The following C16orf95 variants were observed in gnomAD, a reference collection of about 807,000 sequenced individuals.
C16orf95 encodes the protein chromosome 16 open reading frame 95.
In C16orf95, 41 loss-of-function variants were observed where a neutral mutation model predicts 32.1. That is an observed-to-expected ratio of 1.28 (90% CI 1.00 to 1.66). The LOEUF (loss-of-function observed/expected upper bound fraction) is 1.66, where lower values mean the gene tolerates loss of function less well. C16orf95 is among the 40% of genes most tolerant of loss of function. The probability of loss-of-function intolerance (pLI) is 0.00; values close to 1 mark genes in which losing one functional copy is unlikely to be tolerated. For missense variants in C16orf95, 399 were observed against 325.9 expected (o/e 1.22, Z -1.73); for synonymous variants, 147 against 128.9 (o/e 1.14, Z -0.95).
Position 87,303,066 on chromosome 16 carries a change from A to G in C16orf95, c.711T>C (p.Phe237=), listed in dbSNP as rs554092207. The change falls in exon 7 of 7, where the codon TTT becomes TTC. Residue 237 remains phenylalanine, a synonymous_variant. Transcript: ENST00000567970. ...GCTGAAGATTCCAACTTCAAACCCCAAAACACTGGCTGGAAAGCAAAGAGA... is the reference window on the plus strand; with the variant it reads ...GCTGAAGATTCCAACTTCAAACCCCGAAACACTGGCTGGAAAGCAAAGAGA... The part of the protein sequence containing the change: ...PRVIMAIRQC[F]GV The G allele has an allele frequency of 1.3e-6, 2 of 1,536,078 alleles. No homozygotes were observed. Among genetic ancestry groups the G allele is most frequent in the African/African-American group, 2.7e-5 (2 of 73,164 alleles).
chr16:87,313,612 G>A (rs879576532), intron 3 of C16orf95, among the ~76,000 whole-genome samples: 2 of 152,128 alleles, frequency 1.3e-5, no homozygotes, highest in Non-Finnish European at 2.9e-5. Context: ...GTGCACGCCT[G>A]TGGTCCCAGC....
At chr16:87,315,475 T>C (rs2150656681) in intron 2 of C16orf95, among the ~76,000 whole-genome samples, 1 of 152,276 alleles carries the variant, frequency 6.6e-6, no homozygotes, top group African/African-American at 2.4e-5. Flanking sequence ...TCCACATCCA[T>C]CCCATGTGAC....
chr16:87,308,017 T>G (rs1019785843), intron 5 of C16orf95, among the ~76,000 whole-genome samples: 13 of 152,178 alleles, frequency 8.5e-5, no homozygotes, highest in African/African-American at 3.1e-4. Flanking sequence ...GACTGTAATT[T>G]GGCTGTAAGG....
chr16:87,317,215 G>T lies in C16orf95; in HGVS notation c.28C>A (p.Pro10Thr). MRASRSPPS[P>T]RRCHHHHEAT... Reference sequence around the variant, plus strand: ...TCATGATGATGGTGACAACGCCGCGGGGACGGTGGGGACCGGCTCGCACGC... The same window carrying T: ...TCATGATGATGGTGACAACGCCGCGTGGACGGTGGGGACCGGCTCGCACGC... Residue 10 changes from proline to threonine, a missense_variant, in exon 1 of 7, where the codon CCG becomes ACG. Transcript: ENST00000567970. 6.5e-7 allele frequency: 1 copy of T among 1,530,576 alleles called. No homozygotes were observed. Among genetic ancestry groups the T allele is most frequent in the Non-Finnish European group, 8.7e-7 (1 of 1,144,334 alleles). 94.8% of individuals were successfully genotyped at this position (1,530,576 alleles called of 1,614,324 possible).
Position 87,305,985 on chromosome 16 carries a change from C to T in C16orf95, c.515-80G>A. ...GCCACGAGGAGGCTGCAACACCAGC[C>T]CCAGAGCCTCCGGGAAATGGGGACT... On this transcript the variant is annotated intron_variant, in intron 5 of 6. Transcript: ENST00000567970. This position sits in a 1 kb window ranked among gnomAD's most constrained non-coding sequence, Gnocchi z 4.2. 8.8e-7 allele frequency: 1 copy of T among 1,135,566 alleles called. No individual in the cohort carries two copies. Among genetic ancestry groups the T allele is most frequent in the Non-Finnish European group, 1.2e-6 (1 of 865,058 alleles). The allele number at this position is 1,135,566 out of a possible 1,614,324, so 70.3% of individuals were successfully genotyped here.
In C16orf95 at chr16:87,306,078, G is replaced by C. The variant is rs1225365113; in HGVS notation, c.515-173C>G. ...GAGCTCACGAGATAAAGGCCGTCTTGCGGGTTTATGATATCCTGGGTAACG... is the reference window on the plus strand; with the variant it reads ...GAGCTCACGAGATAAAGGCCGTCTTCCGGGTTTATGATATCCTGGGTAACG... On this transcript the variant is annotated intron_variant, in intron 5 of 6. Transcript: ENST00000567970. 9 of 459,808 alleles carry C rather than the reference G, an allele frequency of 2.0e-5. No individual in the cohort carries two copies. The East Asian group carries it at 2.5e-4, about 13-fold the overall frequency. 28.5% of individuals were successfully genotyped at this position (459,808 alleles called of 1,614,324 possible).
At position 87,315,023 on chromosome 16, in the gene C16orf95, A is replaced by T; in HGVS notation, c.278T>A (p.Val93Glu). ...RFGGRLPVSR[V>E]EAALPYWVPL... ...GACCCAGTAAGGCAGTGCTGCTTCC[A>T]CCCTGGACACAGGCAGGCGGCCCCC... Residue 93 changes from valine (V) to glutamate (E), a missense_variant, in exon 3 of 7, where the codon GTG becomes GAG. By Grantham distance (121) the Val-to-Glu change is moderately radical. Transcript: ENST00000567970. The T allele has an allele frequency of 2.6e-6, 4 of 1,536,060 alleles. No individual in the cohort carries two copies. Among genetic ancestry groups the T allele is most frequent in the Non-Finnish European group, 3.5e-6 (4 of 1,146,892 alleles).
In C16orf95 at chr16:87,316,427, G is replaced by A. The variant is rs777796120; in HGVS notation, c.153-604C>T. On this transcript the variant is annotated intron_variant, in intron 1 of 6. Transcript: ENST00000567970. ...GCAAAGCCCTGCTTCCCTGACAGTA[G>A]TGGGTCAAAGTGCTTTGTATGTGGA... Among the ~76,000 whole-genome samples the A allele has an allele frequency of 2.0e-4, 30 of 152,334 alleles. 1 individual carries two copies. The highest frequency in any genetic ancestry group is 6.8e-3 in the Middle Eastern group (2 of 294).
chr16:87,305,935 G>C lies in C16orf95; in HGVS notation c.515-30C>G, dbSNP rs1404270025. The C allele has an allele frequency of 1.3e-5, 18 of 1,387,900 alleles. No homozygotes were observed. Among genetic ancestry groups the C allele is most frequent in the South Asian group, 1.1e-4 (7 of 64,276 alleles). The allele number at this position is 1,387,900 out of a possible 1,614,324, so 86.0% of individuals were successfully genotyped here. On this transcript the variant is annotated intron_variant, in intron 5 of 6. Transcript: ENST00000567970. This position sits in a 1 kb window ranked among gnomAD's most constrained non-coding sequence, Gnocchi z 4.2. ...GCAAAGAAAAGGTGGGTTGAGGACA[G>C]GGCGTGTTCTCCGGGACTCTGTGAG...
intron 4 of C16orf95, 47 bp downstream of exon 4, chr16:87,311,103 C>A: frequency 7.0e-7 from 1 of 1,427,762 alleles, no homozygotes. Context: ...TCCCCCGGCC[C>A]CCACCTCACT....
chr16:87,304,665 T>C (rs971963326), intron 6 of C16orf95, among the ~76,000 whole-genome samples: 1 of 152,108 alleles, frequency 6.6e-6, no homozygotes, highest in Non-Finnish European at 1.5e-5. Context: ...AAGGGACCCG[T>C]ACCCCGATGC....
In C16orf95 at chr16:87,309,168, G is replaced by C. The variant is rs559581707; in HGVS notation, c.514+1129C>G. On this transcript the variant is annotated intron_variant, in intron 5 of 6. Coordinates refer to ENST00000567970, the MANE Select transcript of C16orf95 (RefSeq NM_001195124.3). ...CACCATAAATGTGATGTTTGTTTTG[G>C]GTTCAATTTTAGCAGAGTTCATGCT... Among the ~76,000 whole-genome samples the C allele has an allele frequency of 1.3e-4, 19 of 151,936 alleles. No homozygotes were observed. In the South Asian group the frequency reaches 3.7e-3, roughly 30 times the overall value.
intron 3 of C16orf95, among the ~76,000 whole-genome samples, chr16:87,311,688 G>C (rs1911291014): frequency 6.6e-6 from 1 of 152,230 alleles, no homozygotes; most frequent in Admixed American, 6.5e-5. Flanking sequence ...TATGAAGAGG[G>C]CTCTGCTGGC....
chr16:87,303,042 C>G lies in C16orf95; in HGVS notation c.*15G>C. ...TTTTTGTGGCTGTTCTTGACAGTAGCTGAAGATTCCAACTTCAAACCCCAA... is the reference window on the plus strand; with the variant it reads ...TTTTTGTGGCTGTTCTTGACAGTAGGTGAAGATTCCAACTTCAAACCCCAA... On this transcript the variant is annotated 3_prime_UTR_variant, in exon 7 of 7. Coordinates refer to ENST00000567970, the MANE Select transcript of C16orf95 (RefSeq NM_001195124.3). 1 of 1,536,072 alleles carries G rather than the reference C, an allele frequency of 6.5e-7. No homozygotes were observed.
chr16:87,316,528 A>G (rs1419688335), intron 1 of C16orf95, among the ~76,000 whole-genome samples: 1 of 152,100 alleles, frequency 6.6e-6, no homozygotes, highest in Non-Finnish European at 1.5e-5. Context: ...TTTTTGTGAG[A>G]GTAATAGGTT....
At chr16:87,310,249 C>A (rs1656677888) in intron 5 of C16orf95, 48 bp downstream of exon 5, 1 of 1,530,794 alleles carries the variant, frequency 6.5e-7, no homozygotes, top group Non-Finnish European at 8.8e-7. Flanking sequence ...ACGAACCCCA[C>A]CTTTCTGGGG....
At position 87,305,885 on chromosome 16, in the gene C16orf95, A is replaced by C. The variant is rs1190620719; in HGVS notation, c.535T>G (p.Cys179Gly). ...GIQAPLLDAC[C>G]WHNCWRICGD... ...CAGATCCGCCAGCAGTTGTGCCAGC[A>C]GCATGCATCCAGCAGGGGTGCTAGG... Residue 179 changes from cysteine to glycine, a missense_variant, in exon 6 of 7, where the codon TGC becomes GGC. Coordinates refer to ENST00000567970, the MANE Select transcript of C16orf95 (RefSeq NM_001195124.3). This position sits in a 1 kb window ranked among gnomAD's most constrained non-coding sequence, Gnocchi z 4.2. 7.0e-7 allele frequency: 1 copy of C among 1,438,074 alleles called. No homozygotes were observed. 89.1% of individuals were successfully genotyped at this position (1,438,074 alleles called of 1,614,324 possible). A position where few individuals can be genotyped will look rare whatever the true frequency, so the allele number is the denominator to read the frequency against.
intron 5 of C16orf95, among the ~76,000 whole-genome samples, chr16:87,308,763 T>C (rs1450458124): frequency 6.6e-6 from 1 of 152,228 alleles, no homozygotes; most frequent in Non-Finnish European, 1.5e-5. Flanking sequence ...TGATCCCACT[T>C]CTTTAGAATT....
At position 87,315,060 on chromosome 16, in the gene C16orf95, G is replaced by C; in HGVS notation, c.241C>G (p.Gln81Glu). Residue 81 changes from glutamine to glutamate, a missense_variant, in exon 3 of 7, where the codon CAG becomes GAG. Gln to Glu is a conservative substitution (Grantham distance 29, BLOSUM62 2). Coordinates refer to ENST00000567970, the MANE Select transcript of C16orf95 (RefSeq NM_001195124.3). ...PGPWAICCEC[Q>E]TRFGGRLPVS... ...GGCAGGCGGCCCCCGAATCTGGTCTGGCATTCACAGCAGATGGCCCAGGGG... is the reference window on the plus strand; with the variant it reads ...GGCAGGCGGCCCCCGAATCTGGTCTCGCATTCACAGCAGATGGCCCAGGGG... 1 of 1,536,126 alleles carries C rather than the reference G, an allele frequency of 6.5e-7. No homozygotes were observed. The highest frequency in any genetic ancestry group is 8.7e-7 in the Non-Finnish European group (1 of 1,146,902).
Sources: allele counts gnomAD v4.1 joint callset (sites outside exome capture counted in the v4.1 genomes callset), GRCh38; gene constraint gnomAD v4.1.1; non-coding constraint Gnocchi (gnomAD v3.1); transcripts MANE v1.5; gene names NCBI Gene and HGNC (gene_info 2026-07-23, HGNC 2026-07-21).